Variants in EOMES observed in about 807,000 individuals in gnomAD.
The protein encoded by EOMES is eomesodermin, also known as eomesodermin homolog.
EOMES carries 18 observed loss-of-function variants against 61.0 expected under a neutral mutation model. The ratio of observed to expected loss-of-function variants is 0.30; its 90% CI spans 0.20 to 0.44. The LOEUF (loss-of-function observed/expected upper bound fraction) is 0.44, where lower values mean the gene tolerates loss of function less well. EOMES is among the 20% of genes least tolerant of loss of function. The probability of loss-of-function intolerance (pLI) is 1.00; values close to 1 mark genes in which losing one functional copy is unlikely to be tolerated. For missense variants in EOMES, 885 were observed against 939.2 expected, an observed-to-expected ratio of 0.94 and a Z score of 0.75; for synonymous variants, 430 against 394.0, an observed-to-expected ratio of 1.09 and a Z score of -1.08.
Position 27,716,796 on chromosome 3 carries a change from C to A in EOMES, c.*274G>T. ...TGCTTCTTTGAAGGGTTAGTGTCTCCCCAATAAATAAATACAGAACCTTGG... is the reference window on the plus strand; with the variant it reads ...TGCTTCTTTGAAGGGTTAGTGTCTCACCAATAAATAAATACAGAACCTTGG... On this transcript the variant is annotated 3_prime_UTR_variant, in exon 6 of 6. Transcript: ENST00000449599. The A allele has an allele frequency of 2.6e-6, 1 of 380,090 alleles. No homozygotes were observed. Among genetic ancestry groups the A allele is most frequent in the Admixed American group, 4.2e-5 (1 of 23,978 alleles). The allele number at this position is 380,090 out of a possible 1,614,324, so 23.5% of individuals were successfully genotyped here. A position where few individuals can be genotyped will look rare whatever the true frequency, so the allele number is the denominator to read the frequency against.
chr3:27,719,338 C>T (rs1406374369), intron 3 of EOMES, 22 bp downstream of exon 3: 2 of 1,612,404 alleles, frequency 1.2e-6, no homozygotes, highest in Non-Finnish European at 1.7e-6. Context: ...AGAAGATATC[C>T]CCTCCTGCTC....
chr3:27,717,364 T>C lies in EOMES; in HGVS notation c.1824A>G (p.Leu608=). 1 of 1,614,132 alleles carries C rather than the reference T, an allele frequency of 6.2e-7. No individual in the cohort carries two copies. The highest frequency in any genetic ancestry group is 1.1e-5 in the South Asian group (1 of 91,084). ...GSYQRKMAAG[L]PWTSRTSPTV... The stretch of plus-strand genomic sequence containing the variant: ...TGGGGCTTGTTCTGGAGGTCCATGG[T>C]AGTCCAGCTGCCATCTTCCTCTGGT... Residue 608 remains leucine, a synonymous_variant, in exon 6 of 6, where the codon CTA becomes CTG. Coordinates refer to ENST00000449599, the MANE Select transcript of EOMES (RefSeq NM_001278182.2). This position sits in a 1 kb window ranked among gnomAD's most constrained non-coding sequence, Gnocchi z 4.5.
In EOMES at chr3:27,722,305, G is replaced by C; in HGVS notation, c.-11C>G. 1 of 1,538,956 alleles carries C rather than the reference G, an allele frequency of 6.5e-7. No homozygotes were observed. Among genetic ancestry groups the C allele is most frequent in the Non-Finnish European group, 8.7e-7 (1 of 1,148,768 alleles). ...CTCCCCTAACTGCATGCTTTGCAAA[G>C]CGCAGACGGCAGCTGGCTGCTTCCT... On this transcript the variant is annotated 5_prime_UTR_variant, in exon 1 of 6. Transcript: ENST00000449599.
chr3:27,720,388 G>GC, intron 1 of EOMES, 63 bp from the exon 2 acceptor site: 1 of 1,449,730 alleles, frequency 6.9e-7, no homozygotes, highest in Non-Finnish European at 9.7e-7. Flanking sequence ...ACAGGCCCAG[G>GC]CCCCAGCGGG....
Position 27,722,197 on chromosome 3 carries a change from GCGCTCCCGC to G in EOMES, c.89_97del (p.Gly30_Ser32del), listed in dbSNP as rs1251521115. 3.8e-6 allele frequency: 6 copies of G among 1,599,998 alleles called. No individual in the cohort carries two copies. The highest frequency in any genetic ancestry group is 5.1e-6 in the Non-Finnish European group (6 of 1,174,864). On this transcript the variant is annotated inframe_deletion, in exon 1 of 6. Coordinates refer to ENST00000449599, the MANE Select transcript of EOMES (RefSeq NM_001278182.2). ...GGGGGCCGCGCTGGGGAGGTGGCCA[GCGCTCCCGC>G]CGCTGCCGCCTCGCGCACTCTCCAG... is the stretch of plus-strand genomic sequence containing the variant.
rs1259384841 is a variant in EOMES at position 27,722,042 on chromosome 3, C to T, written c.253G>A (p.Ala85Thr). 26 of 1,532,002 alleles carry T rather than the reference C, an allele frequency of 1.7e-5. No individual in the cohort carries two copies. Among genetic ancestry groups the T allele is most frequent in the South Asian group, 2.4e-5 (2 of 82,378 alleles). 94.9% of individuals were successfully genotyped at this position (1,532,002 alleles called of 1,614,324 possible). Residue 85 changes from alanine to threonine, a missense_variant, in exon 1 of 6, where the codon GCC becomes ACC. By Grantham distance (58) the Ala-to-Thr change is moderately conservative. Transcript: ENST00000449599. Reference protein sequence around the residue: ...APAAMLSDTDAGDAFASAAAV... With the variant: ...APAAMLSDTDTGDAFASAAAV... ...GCAGCGCTGGCAAATGCGTCCCCGG[C>T]GTCGGTGTCACTAAGCATGGCCGCG...
upstream of EOMES, chr3:27,722,457 G>T (rs987017958): frequency 2.1e-5 from 28 of 1,364,232 alleles, no homozygotes; most frequent in East Asian, 7.4e-4. Flanking sequence ...GCTACTGCGC[G>T]TACTGGCGCG....
chr3:27,721,325 T>C lies in EOMES; in HGVS notation c.881+89A>G. ...CACTCTAAGCACCGCGCGGAACAAC[T>C]GGGTTCAGCTCCCTCATCCCGGACC... On this transcript the variant is annotated intron_variant, in intron 1 of 5. Coordinates refer to ENST00000449599, the MANE Select transcript of EOMES (RefSeq NM_001278182.2). The surrounding 1 kb of genome is among the most constrained non-coding windows in gnomAD (Gnocchi z 7.4). 9.0e-7 allele frequency: 1 copy of C among 1,114,142 alleles called. No individual in the cohort carries two copies. The highest frequency in any genetic ancestry group is 1.3e-6 in the Non-Finnish European group (1 of 767,674). 69.0% of individuals were successfully genotyped at this position (1,114,142 alleles called of 1,614,324 possible). A position where few individuals can be genotyped will look rare whatever the true frequency, so the allele number is the denominator to read the frequency against.
Position 27,716,857 on chromosome 3 carries a change from C to A in EOMES, c.*213G>T. On this transcript the variant is annotated 3_prime_UTR_variant, in exon 6 of 6. Transcript: ENST00000449599. ...AATTTTAAAATACCTTAAAGTCTTC[C>A]ATTAATCTTATTTTTTAAAAATGCT... 1 of 542,400 alleles carries A rather than the reference C, an allele frequency of 1.8e-6. No homozygotes were observed. Among genetic ancestry groups the A allele is most frequent in the Non-Finnish European group, 3.2e-6 (1 of 308,408 alleles). 33.6% of individuals were successfully genotyped at this position (542,400 alleles called of 1,614,324 possible).
At chr3:27,722,605 C>T, upstream of EOMES, 1 of 1,167,434 alleles carries the variant, frequency 8.6e-7, no homozygotes. Context: ...CCCAGGCTCA[C>T]ACGCTGGAAG....
At chr3:27,719,825 T>C (rs537225598) in intron 2 of EOMES, among the ~76,000 whole-genome samples, 1 of 152,148 alleles carries the variant, frequency 6.6e-6, no homozygotes, top group East Asian at 1.9e-4. Context: ...TATTTATGGG[T>C]GAACTAAACT....
At position 27,722,060 on chromosome 3, in the gene EOMES, T is replaced by C. The variant is rs1420420783; in HGVS notation, c.235A>G (p.Met79Val). The C allele has an allele frequency of 8.4e-6, 13 of 1,545,678 alleles. No individual in the cohort carries two copies. In the South Asian group the frequency reaches 1.6e-4, roughly 18 times the overall value. Residue 79 changes from methionine (M) to valine (V), a missense_variant, in exon 1 of 6, where the codon ATG (methionine) becomes GTG (valine). Physicochemically the swap from Met to Val is conservative, Grantham distance 21. This residue lies in a region of EOMES where 449 missense variants were observed against 383.6 expected (regional missense o/e 1.17). Transcript: ENST00000449599. Reference protein sequence around the residue: ...AAASAGAPAAMLSDTDAGDAF... With the variant: ...AAASAGAPAAVLSDTDAGDAF... ...TCCCCGGCGTCGGTGTCACTAAGCA[T>C]GGCCGCGGGGGCCCCTGCGCTGGCG... is the stretch of plus-strand genomic sequence containing the variant.
At position 27,717,669 on chromosome 3, in the gene EOMES, G is replaced by C. The variant is rs759891392; in HGVS notation, c.1519C>G (p.Arg507Gly). The C allele has an allele frequency of 1.2e-6, 2 of 1,614,010 alleles. No homozygotes were observed. ...ACGGTTCTCTCGCCATTATAATAGC[G>C]GGCTTGAGGTAAAGTGTTGACAAAG... ...EPFVNTLPQA[R>G]YYNGERTVPQ... The change falls in exon 6 of 6, where the codon CGC becomes GGC. Residue 507 changes from arginine to glycine, a missense_variant. By Grantham distance (125) the Arg-to-Gly change is moderately radical. Transcript: ENST00000449599. The surrounding 1 kb of genome is among the most constrained non-coding windows in gnomAD (Gnocchi z 4.5).
Position 27,717,258 on chromosome 3 carries a change from T to G in EOMES, c.1930A>C (p.Ile644Leu). ...GAATCATTGGAATCTAGAGATTTGATGGAAGGGGGTGTCTCTATCCAAGAA... is the reference window on the plus strand; with the variant it reads ...GAATCATTGGAATCTAGAGATTTGAGGGAAGGGGGTGTCTCTATCCAAGAA... ...GSSWIETPPS[I>L]KSLDSNDSGV... is the part of the protein sequence containing the mutation. The change falls in exon 6 of 6, where the codon ATC (isoleucine) becomes CTC (leucine). Residue 644 changes from isoleucine (I) to leucine (L), a missense_variant. Physicochemically the swap from Ile to Leu is conservative, Grantham distance 5. Coordinates refer to ENST00000449599, the MANE Select transcript of EOMES (RefSeq NM_001278182.2). This position sits in a 1 kb window ranked among gnomAD's most constrained non-coding sequence, Gnocchi z 4.5. The G allele has an allele frequency of 1.2e-6, 2 of 1,613,942 alleles. No individual in the cohort carries two copies. The highest frequency in any genetic ancestry group is 2.2e-5 in the South Asian group (2 of 91,088).
chr3:27,722,073 C>T lies in EOMES; in HGVS notation c.222G>A (p.Gly74=). ...TGTCACTAAGCATGGCCGCGGGGGC[C>T]CCTGCGCTGGCGGCTGCGGGCTCCC... The part of the protein sequence containing the change: ...VSGEPAAASA[G]APAAMLSDTD... The change falls in exon 1 of 6, where the codon GGG becomes GGA. Residue 74 remains glycine, a synonymous_variant. Transcript: ENST00000449599. 1 of 1,547,156 alleles carries T rather than the reference C, an allele frequency of 6.5e-7. No individual in the cohort carries two copies. The highest frequency in any genetic ancestry group is 8.7e-7 in the Non-Finnish European group (1 of 1,145,764).
chr3:27,721,587 C>A lies in EOMES; in HGVS notation c.708G>T (p.Gly236=), dbSNP rs572872564. 227 of 1,575,434 alleles carry A rather than the reference C, an allele frequency of 1.4e-4. 2 individuals are homozygous for A. In the South Asian group the frequency reaches 2.1e-3, roughly 14 times the overall value. The part of the protein sequence containing the change: ...GGPGTYQYSQ[G]APLYGPYPGA... The stretch of plus-strand genomic sequence containing the variant: ...CAGGGTACGGCCCGTAGAGCGGAGC[C>A]CCCTGGCTGTACTGATAGGTGCCCG... Residue 236 remains glycine, a synonymous_variant, in exon 1 of 6, where the codon GGG becomes GGT. Coordinates refer to ENST00000449599, the MANE Select transcript of EOMES (RefSeq NM_001278182.2). This position sits in a 1 kb window ranked among gnomAD's most constrained non-coding sequence, Gnocchi z 7.4.
chr3:27,721,642 G>A lies in EOMES; in HGVS notation c.653C>T (p.Ala218Val), dbSNP rs1008634370. The change falls in exon 1 of 6, where the codon GCG (alanine) becomes GTG (valine). Residue 218 changes from alanine (A) to valine (V), a missense_variant. Physicochemically the swap from Ala to Val is moderately conservative, Grantham distance 64 (BLOSUM62 0). This residue lies in a region of EOMES where 449 missense variants were observed against 383.6 expected (regional missense o/e 1.17). Transcript: ENST00000449599. This position sits in a 1 kb window ranked among gnomAD's most constrained non-coding sequence, Gnocchi z 7.4. ...FGPGAGAGSG[A>V]GGSSGGGGGP... is the part of the protein sequence containing the mutation. ...GCCGCCCCCGCCGCTGCTACCGCCC[G>A]CGCCACTGCCCGCACCGGCTCCTGG... The A allele has an allele frequency of 2.6e-6, 4 of 1,541,062 alleles. No individual in the cohort carries two copies. Among genetic ancestry groups the A allele is most frequent in the Non-Finnish European group, 3.5e-6 (4 of 1,146,868 alleles).
Position 27,722,013 on chromosome 3 carries a change from T to A in EOMES, c.282A>T (p.Ala94=), listed in dbSNP as rs2060619752. Residue 94 remains alanine (A), a synonymous_variant, in exon 1 of 6, where the codon GCA becomes GCT. Coordinates refer to ENST00000449599, the MANE Select transcript of EOMES (RefSeq NM_001278182.2). ...DAGDAFASAA[A]VAKPGPPDGR... is the part of the protein sequence containing the mutation. ...CGTCCGGGGGCCCCGGCTTGGCCAC[T>A]GCCGCAGCGCTGGCAAATGCGTCCC... 1 of 1,513,972 alleles carries A rather than the reference T, an allele frequency of 6.6e-7. No homozygotes were observed. Among genetic ancestry groups the A allele is most frequent in the South Asian group, 1.2e-5 (1 of 80,796 alleles). The allele number at this position is 1,513,972 out of a possible 1,614,324, so 93.8% of individuals were successfully genotyped here. A position where few individuals can be genotyped will look rare whatever the true frequency, so the allele number is the denominator to read the frequency against.
upstream of EOMES, chr3:27,722,419 G>C: frequency 7.3e-7 from 1 of 1,367,630 alleles, no homozygotes. Flanking sequence ...TCCCGCGCCG[G>C]GGCTACCCAC....
Sources: gnomAD v4.1 joint callset for allele counts (sites outside exome capture counted in the v4.1 genomes callset) on GRCh38, gnomAD v4.1.1 for gene constraint, gnomAD v4.1.1 regional missense constraint, Gnocchi (gnomAD v3.1) non-coding constraint, MANE v1.5 for transcripts, NCBI Gene and HGNC (gene_info 2026-07-23, HGNC 2026-07-21) for gene names.